MFSD6: variants seen among roughly 807,000 people sequenced by gnomAD.
The protein encoded by MFSD6 is major facilitator superfamily domain containing 6.
Under a neutral mutation model 56.3 loss-of-function variants are expected in MFSD6, and 26 were observed. The observed-to-expected ratio is 0.46, with a 90% CI of 0.34 to 0.64. MFSD6 has a LOEUF of 0.64. Ranked by LOEUF, MFSD6 falls within the 30% of genes least tolerant of loss-of-function variation. MFSD6 has a pLI of 0.01. For missense variants in MFSD6, 750 were observed against 986.2 expected (o/e 0.76, Z 3.21); for synonymous variants, 331 against 366.9 (o/e 0.90, Z 1.12).
At position 190,485,653 on chromosome 2, in the gene MFSD6, T is replaced by G. The variant is rs368240269; in HGVS notation, c.1631-3004T>G. ...GTACTATGGTGTCAACACTCATAAT[T>G]AAGACTATCCAGGCATTATTCAATT... On this transcript the variant is annotated intron_variant, in intron 4 of 7. Coordinates refer to ENST00000392328, the MANE Select transcript of MFSD6 (RefSeq NM_017694.4). This position sits in a 1 kb window ranked among gnomAD's most constrained non-coding sequence, Gnocchi z 5.1. Among the ~76,000 whole-genome samples, 1 of 152,174 alleles carries G rather than the reference T, an allele frequency of 6.6e-6. No individual in the cohort carries two copies. The highest frequency in any genetic ancestry group is 1.5e-5 in the Non-Finnish European group (1 of 68,010).
rs147029605 is a variant in MFSD6, at chr2:190,436,791, C to T, written c.762C>T (p.Ser254=). Residue 254 remains serine, a synonymous_variant, in exon 3 of 8, where the codon AGC becomes AGT. Coordinates refer to ENST00000392328, the MANE Select transcript of MFSD6 (RefSeq NM_017694.4). The surrounding 1 kb of genome is among the most constrained non-coding windows in gnomAD (Gnocchi z 5.3). The stretch of plus-strand genomic sequence containing the variant: ...CAGCAACCCCTGTCTCCCCAGGAAG[C>T]GTAACCAAGGAGACAACCACTGTTA... ...SSTATPVSPG[S]VTKETTTVIV... The T allele has an allele frequency of 1.4e-4, 219 of 1,614,180 alleles. 6 individuals are homozygous for T. The Middle Eastern group carries it at 8.2e-3, about 61-fold the overall frequency.
chr2:190,496,882 T>C lies in MFSD6; in HGVS notation c.1892-557T>C, dbSNP rs1689725869. ...CTATGAGGATGCAAAGGCATAAGAA[T>C]GATATGATGGACTTTGGGGACTCAG... On this transcript the variant is annotated intron_variant, in intron 6 of 7. Transcript: ENST00000392328. The surrounding 1 kb of genome is among the most constrained non-coding windows in gnomAD (Gnocchi z 4.7). 6.6e-6 allele frequency among the ~76,000 whole-genome samples: 1 copy of C among 152,136 alleles called. No individual in the cohort carries two copies. The highest frequency in any genetic ancestry group is 2.1e-4 in the South Asian group (1 of 4,832).
rs1321313143 is a variant in MFSD6 at position 190,501,685 on chromosome 2, T to C, written c.*1467T>C. The C allele has an allele frequency of 6.6e-6, 1 of 152,586 alleles. No individual in the cohort carries two copies. Among genetic ancestry groups the C allele is most frequent in the African/African-American group, 2.4e-5 (1 of 41,442 alleles). The allele number at this position is 152,586 out of a possible 1,614,324, so 9.5% of individuals were successfully genotyped here. ...ATGACACCATAGTTCTGCCCAATAC[T>C]GCATTTGGGATAAGAAATTCTACAC... On this transcript the variant is annotated 3_prime_UTR_variant, in exon 8 of 8. Transcript: ENST00000392328.
In MFSD6 at chr2:190,410,716, T is replaced by A. The variant is rs1690523190; in HGVS notation, c.-176+2213T>A. ...GGAAGAAATGCAAAAAATGTGTGTC[T>A]GCTAGCTATTTTGCACATTGGCTGA... On this transcript the variant is annotated intron_variant, in intron 1 of 7. Transcript: ENST00000392328. This position sits in a 1 kb window ranked among gnomAD's most constrained non-coding sequence, Gnocchi z 4.4. Among the ~76,000 whole-genome samples, 3 of 152,210 alleles carry A rather than the reference T, an allele frequency of 2.0e-5. No homozygotes were observed. The highest frequency in any genetic ancestry group is 2.0e-4 in the Admixed American group (3 of 15,282).
Position 190,458,059 on chromosome 2 carries a change from C to T in MFSD6, c.1533-11699C>T, listed in dbSNP as rs559853707. On this transcript the variant is annotated intron_variant, in intron 3 of 7. Transcript: ENST00000392328. This position sits in a 1 kb window ranked among gnomAD's most constrained non-coding sequence, Gnocchi z 5.3. ...TGTTGAGGCCCGAGGAAGCTGCCAG[C>T]GGTGTCACACACTCTGTTGCTGGTC... 2.0e-5 allele frequency among the ~76,000 whole-genome samples: 3 copies of T among 152,260 alleles called. No individual in the cohort carries two copies. The highest frequency in any genetic ancestry group is 1.9e-4 in the East Asian group (1 of 5,188).
rs1317833140 is a variant in MFSD6 at position 190,423,323 on chromosome 2, T to G, written c.-54+7910T>G. Among the ~76,000 whole-genome samples the G allele has an allele frequency of 6.6e-6, 1 of 152,234 alleles. No individual in the cohort carries two copies. The highest frequency in any genetic ancestry group is 2.4e-5 in the African/African-American group (1 of 41,464). On this transcript the variant is annotated intron_variant, in intron 2 of 7. Coordinates refer to ENST00000392328, the MANE Select transcript of MFSD6 (RefSeq NM_017694.4). The surrounding 1 kb of genome is among the most constrained non-coding windows in gnomAD (Gnocchi z 4.3). ...CTCTAGTGAATTCCTGGCAATCACC[T>G]GTCTATCTCTATTTCAATGATGTTG...
In MFSD6 at chr2:190,497,086, C is replaced by T. The variant is rs921807430; in HGVS notation, c.1892-353C>T. 1.3e-5 allele frequency among the ~76,000 whole-genome samples: 2 copies of T among 152,124 alleles called. No homozygotes were observed. The highest frequency in any genetic ancestry group is 2.1e-4 in the South Asian group (1 of 4,828). The stretch of plus-strand genomic sequence containing the variant: ...AACATTTTTTAAAAAATAACTATCA[C>T]GTGGCTTTTCCTGTTTTGACGTCTT... On this transcript the variant is annotated intron_variant, in intron 6 of 7. Transcript: ENST00000392328. This position sits in a 1 kb window ranked among gnomAD's most constrained non-coding sequence, Gnocchi z 5.2.
rs1165194060 is a variant in MFSD6 at position 190,496,741 on chromosome 2, A to G, written c.1892-698A>G. 1.3e-5 allele frequency among the ~76,000 whole-genome samples: 2 copies of G among 152,218 alleles called. No individual in the cohort carries two copies. Among genetic ancestry groups the G allele is most frequent in the African/African-American group, 2.4e-5 (1 of 41,466 alleles). On this transcript the variant is annotated intron_variant, in intron 6 of 7. Transcript: ENST00000392328. The surrounding 1 kb of genome is among the most constrained non-coding windows in gnomAD (Gnocchi z 4.7). The stretch of plus-strand genomic sequence containing the variant: ...GAATACTACTCAGCCATAAAAAGGA[A>G]TGAATTAATGGCATTCACAGCAACC...
At position 190,439,813 on chromosome 2, in the gene MFSD6, G is replaced by C. The variant is rs932461178; in HGVS notation, c.1532+2252G>C. On this transcript the variant is annotated intron_variant, in intron 3 of 7. Coordinates refer to ENST00000392328, the MANE Select transcript of MFSD6 (RefSeq NM_017694.4). This position sits in a 1 kb window ranked among gnomAD's most constrained non-coding sequence, Gnocchi z 5.8. ...GAATTTTCATTCTGTCCATTAAAAT[G>C]TATTAATTATTTCAAGTGCTTTTAA... Among the ~76,000 whole-genome samples the C allele has an allele frequency of 6.6e-6, 1 of 152,220 alleles. No homozygotes were observed. Among genetic ancestry groups the C allele is most frequent in the Non-Finnish European group, 1.5e-5 (1 of 68,028 alleles).
intron 1 of MFSD6, among the ~76,000 whole-genome samples, chr2:190,414,574 T>C (rs1690699043): frequency 6.6e-6 from 1 of 152,202 alleles, no homozygotes; most frequent in African/African-American, 2.4e-5. Context: ...CTTGTGACAG[T>C]CCCTTTCAAT....
Position 190,491,766 on chromosome 2 carries a change from A to G in MFSD6, c.1891+1900A>G, listed in dbSNP as rs934781843. On this transcript the variant is annotated intron_variant, in intron 6 of 7. Transcript: ENST00000392328. This position sits in a 1 kb window ranked among gnomAD's most constrained non-coding sequence, Gnocchi z 4.2. The stretch of plus-strand genomic sequence containing the variant: ...AAACAAGGTTCTTTAACCTGCCCCA[A>G]CAAAATCACACTAGCACCAGCAATA... Among the ~76,000 whole-genome samples, 2 of 152,200 alleles carry G rather than the reference A, an allele frequency of 1.3e-5. No individual in the cohort carries two copies. The highest frequency in any genetic ancestry group is 2.9e-5 in the Non-Finnish European group (2 of 68,038).
Position 190,458,021 on chromosome 2 carries a change from G to C in MFSD6, c.1533-11737G>C, listed in dbSNP as rs969170948. ...CGAAGAGTCCTCCTCTAAGGATACA[G>C]CCTCACTCTGACTGTTGAGGCCCGA... On this transcript the variant is annotated intron_variant, in intron 3 of 7. Transcript: ENST00000392328. This position sits in a 1 kb window ranked among gnomAD's most constrained non-coding sequence, Gnocchi z 5.3. Among the ~76,000 whole-genome samples, 2 of 152,174 alleles carry C rather than the reference G, an allele frequency of 1.3e-5. No homozygotes were observed. The highest frequency in any genetic ancestry group is 4.8e-5 in the African/African-American group (2 of 41,438).
At chr2:190,409,937 G>A (rs1027945451) in intron 1 of MFSD6, among the ~76,000 whole-genome samples, 10 of 152,176 alleles carry the variant, frequency 6.6e-5, no homozygotes, top group African/African-American at 2.2e-4. Context: ...AATGAGCCCA[G>A]TGCAGGATGC....
At chr2:190,460,085 T>TGGA (rs1687244971) in intron 3 of MFSD6, among the ~76,000 whole-genome samples, 1 of 152,188 alleles carries the variant, frequency 6.6e-6, no homozygotes, top group Non-Finnish European at 1.5e-5. Context: ...GCTCTTACTC[T>TGGA]TCTGGTGAGA....
intron 1 of MFSD6, among the ~76,000 whole-genome samples, chr2:190,414,615 T>C (rs974258282): frequency 2.0e-5 from 3 of 152,228 alleles, no homozygotes; most frequent in African/African-American, 7.2e-5. Flanking sequence ...AGGCATTAGA[T>C]GAATGATCAG....
chr2:190,417,684 C>T lies in MFSD6; in HGVS notation c.-54+2271C>T, dbSNP rs13389753. 5.3e-3 allele frequency among the ~76,000 whole-genome samples: 806 copies of T among 152,224 alleles called. 7 individuals are homozygous for T. Among genetic ancestry groups the T allele is most frequent in the African/African-American group, 0.018 (761 of 41,538 alleles). ...TGCTGTCTGGGTGGCCTCATGTGCC[C>T]TTTAGTCTTGGGATAAATCTTTTAC... On this transcript the variant is annotated intron_variant, in intron 2 of 7. Coordinates refer to ENST00000392328, the MANE Select transcript of MFSD6 (RefSeq NM_017694.4). The surrounding 1 kb of genome is among the most constrained non-coding windows in gnomAD (Gnocchi z 5.7).
intron 6 of MFSD6, among the ~76,000 whole-genome samples, chr2:190,493,033 A>G (rs1055789207): frequency 6.6e-6 from 1 of 152,162 alleles, no homozygotes; most frequent in Non-Finnish European, 1.5e-5. Flanking sequence ...TCACATTTCA[A>G]TACTAACATT....
At chr2:190,470,534 T>A (rs774647567) in intron 4 of MFSD6, among the ~76,000 whole-genome samples, 1 of 152,218 alleles carries the variant, frequency 6.6e-6, no homozygotes, top group Non-Finnish European at 1.5e-5. Context: ...AAGTCCTGAT[T>A]GGCATCATGA....
chr2:190,480,026 G>T lies in MFSD6; in HGVS notation c.1631-8631G>T, dbSNP rs192639823. On this transcript the variant is annotated intron_variant, in intron 4 of 7. Coordinates refer to ENST00000392328, the MANE Select transcript of MFSD6 (RefSeq NM_017694.4). ...AAATATTTAAAAATCAGCTAGGCATGGTGGCATGCGCCTGTGGTCCCAGCT... is the reference window on the plus strand; with the variant it reads ...AAATATTTAAAAATCAGCTAGGCATTGTGGCATGCGCCTGTGGTCCCAGCT... Among the ~76,000 whole-genome samples, 16 of 152,262 alleles carry T rather than the reference G, an allele frequency of 1.1e-4. No homozygotes were observed. The East Asian group carries it at 2.9e-3, about 28-fold the overall frequency.
Sources: gnomAD v4.1 joint callset for allele counts (sites outside exome capture counted in the v4.1 genomes callset) on GRCh38, gnomAD v4.1.1 for gene constraint, Gnocchi (gnomAD v3.1) non-coding constraint, MANE v1.5 for transcripts, NCBI Gene and HGNC (gene_info 2026-07-23, HGNC 2026-07-21) for gene names.